The following FREM1 variants were observed in gnomAD, a reference collection of about 807,000 sequenced individuals.
The protein encoded by FREM1 is FRAS1 related extracellular matrix 1, also known as FRAS1-related extracellular matrix protein 1.
A neutral mutation model predicts 210.1 loss-of-function variants in FREM1; 220 were observed. The ratio of observed to expected loss-of-function variants is 1.05; its 90% confidence interval spans 0.94 to 1.17. The LOEUF (loss-of-function observed/expected upper bound fraction) is 1.17. Ranked by LOEUF, FREM1 falls within the 50% of genes most tolerant of loss-of-function variation. The pLI, the probability that FREM1 is intolerant of heterozygous loss-of-function variation, is 0.00. For missense variants in FREM1, 3,454 were observed against 2,675.5 expected (o/e 1.29, Z -6.42); for synonymous variants, 1,189 against 980.2 (o/e 1.21, Z -3.98).
chr9:14,828,212 G>A (rs1201977415), intron 10 of FREM1, among the ~76,000 whole-genome samples: 1 of 152,212 alleles, frequency 6.6e-6, no homozygotes, highest in Non-Finnish European at 1.5e-5. Context: ...CCATAAAGGT[G>A]GAATTGCCTG....
In FREM1 at chr9:14,775,901, G is replaced by A. The variant is rs1848472296; in HGVS notation, c.4745C>T (p.Ser1582Leu). ...GCAGTCAGTCTGGGAGTCCCCTCCT[G>A]AGTGCCGATAGGCCACATTCTTGCT... ...VDSKNVAYRH[S>L]GGDSQTDCFT... Residue 1582 changes from serine to leucine, a missense_variant, in exon 25 of 37, where the codon TCA becomes TTA. By Grantham distance (145) the Ser-to-Leu change is moderately radical. Transcript: ENST00000380880. 6.2e-7 allele frequency: 1 copy of A among 1,613,836 alleles called. No individual in the cohort carries two copies.
chr9:14,852,865 A>G (rs1828029393), intron 5 of FREM1, among the ~76,000 whole-genome samples: 1 of 152,246 alleles, frequency 6.6e-6, no homozygotes, highest in Admixed American at 6.5e-5. Context: ...TAAAGTTCCA[A>G]TAAAAGAGAT....
chr9:14,759,484 T>C, intron 28 of FREM1, among the ~76,000 whole-genome samples: 1 of 84,014 alleles, frequency 1.2e-5, no homozygotes, highest in Non-Finnish European at 2.4e-5. Context: ...CACTCCAGCC[T>C]GGGCGACAAG....
intron 1 of FREM1, among the ~76,000 whole-genome samples, chr9:14,891,307 A>G (rs1836781651): frequency 6.6e-6 from 1 of 152,218 alleles, no homozygotes; most frequent in African/African-American, 2.4e-5. Context: ...ATTGCTGAGT[A>G]CTCACTTAGG....
chr9:14,820,568 T>G (rs2130740319), intron 13 of FREM1, among the ~76,000 whole-genome samples: 1 of 152,360 alleles, frequency 6.6e-6, no homozygotes, highest in South Asian at 2.1e-4. Context: ...GCCTGCTGTG[T>G]CCTTCTGGAC....
At chr9:14,850,882 CACAAT>C (rs1827600065) in intron 6 of FREM1, among the ~76,000 whole-genome samples, 1 of 152,224 alleles carries the variant, frequency 6.6e-6, no homozygotes, top group South Asian at 2.1e-4. Flanking sequence ...TGGTAGCTAG[CACAAT>C]ACGTTTCACT....
At chr9:14,800,980 G>T (rs994536267) in intron 20 of FREM1, among the ~76,000 whole-genome samples, 2 of 152,016 alleles carry the variant, frequency 1.3e-5, no homozygotes, top group African/African-American at 4.8e-5. Flanking sequence ...TGTGAAATGG[G>T]TTTATTTTGG....
intron 13 of FREM1, 33 bp from the exon 14 acceptor site, chr9:14,819,475 C>T (rs2130715155): frequency 7.0e-7 from 1 of 1,431,034 alleles, no homozygotes; most frequent in East Asian, 2.3e-5. Context: ...ACATTCAAAG[C>T]CTTTTTCCAT....
In FREM1 at chr9:14,747,299, C is replaced by T; in HGVS notation, c.5974G>A (p.Val1992Met). The part of the protein sequence containing the change: ...KVAELPQADK[V>M]ESTTDSHFPR... ...AAGTGTGAGTCAGTTGTGGATTCCA[C>T]CTTATCTGCTTGAGGCAGTTCTGCC... Residue 1992 changes from valine to methionine, a missense_variant, in exon 33 of 37, where the codon GTG (valine) becomes ATG (methionine). Coordinates refer to ENST00000380880, the MANE Select transcript of FREM1 (RefSeq NM_001379081.2). 6.2e-7 allele frequency: 1 copy of T among 1,613,552 alleles called. No individual in the cohort carries two copies. Among genetic ancestry groups the T allele is most frequent in the Non-Finnish European group, 8.5e-7 (1 of 1,179,760 alleles).
In FREM1 at chr9:14,823,271, G is replaced by C. The variant is rs373535650; in HGVS notation, c.2226C>G (p.Pro742=). 6.2e-7 allele frequency: 1 copy of C among 1,613,908 alleles called. No individual in the cohort carries two copies. Among genetic ancestry groups the C allele is most frequent in the East Asian group, 2.2e-5 (1 of 44,880 alleles). Residue 742 remains proline, a synonymous_variant, in exon 13 of 37, where the codon CCC becomes CCG. Transcript: ENST00000380880. ...ATGTGAACTGGACATCTCTGCAATGGGGACCAATGTCTTGCATGGGGGGCA... is the reference window on the plus strand; with the variant it reads ...ATGTGAACTGGACATCTCTGCAATGCGGACCAATGTCTTGCATGGGGGGCA... ...AYMPPMQDIG[P]HCRDVQFTFS... is the part of the protein sequence containing the mutation.
intron 20 of FREM1, among the ~76,000 whole-genome samples, chr9:14,800,854 G>A (rs1817146017): frequency 6.6e-6 from 1 of 151,838 alleles, no homozygotes; most frequent in Non-Finnish European, 1.5e-5. Context: ...CTATTTCTGT[G>A]ATGTATTATT....
chr9:14,796,405 T>C (rs942689297), intron 21 of FREM1, among the ~76,000 whole-genome samples: 13 of 152,248 alleles, frequency 8.5e-5, no homozygotes, highest in African/African-American at 3.1e-4. Flanking sequence ...TGTTCAGTTC[T>C]GTAGACTGTG....
chr9:14,874,160 G>A (rs933996858), intron 1 of FREM1, among the ~76,000 whole-genome samples: 2 of 152,192 alleles, frequency 1.3e-5, no homozygotes, highest in African/African-American at 2.4e-5. Context: ...TTGGGGTGGA[G>A]GGTTCTGCAG....
intron 3 of FREM1, among the ~76,000 whole-genome samples, chr9:14,861,002 CACATATATACATATATACACATATAT>C (rs1830171844): frequency 9.9e-6 from 1 of 101,350 alleles, no homozygotes; most frequent in Non-Finnish European, 1.9e-5. Flanking sequence ...CATATATATA[CACATATATACATATATACACATATAT>C]ACATATATAC....
intron 3 of FREM1, among the ~76,000 whole-genome samples, chr9:14,860,555 A>ATGTGTGTATATGTG (rs1564098631): frequency 8.6e-6 from 1 of 116,620 alleles, no homozygotes; most frequent in African/African-American, 4.2e-5. Context: ...ACATATATAT[A>ATGTGTGTATATGTG]CACACATATA....
chr9:14,899,491 G>T (rs1366731874), intron 1 of FREM1, among the ~76,000 whole-genome samples: 2 of 152,200 alleles, frequency 1.3e-5, no homozygotes, highest in African/African-American at 2.4e-5. Context: ...ATCACAGGCT[G>T]CAAATAAAGT....
chr9:14,759,488 C>T (rs563902550), intron 28 of FREM1, among the ~76,000 whole-genome samples: 8 of 54,590 alleles, frequency 1.5e-4, no homozygotes, highest in East Asian at 5.5e-4. Flanking sequence ...CCAGCCTGGG[C>T]GACAAGAGCG....
rs546502612 is a variant in FREM1, at chr9:14,794,180, T to A, written c.3840-1296A>T. The stretch of plus-strand genomic sequence containing the variant: ...TAAAAGGATCCTAGGACAAGGAAGG[T>A]AATTTATTTGTGAAGTGATTCCAGG... On this transcript the variant is annotated intron_variant, in intron 21 of 36. Coordinates refer to ENST00000380880, the MANE Select transcript of FREM1 (RefSeq NM_001379081.2). Among the ~76,000 whole-genome samples the A allele has an allele frequency of 3.9e-5, 6 of 152,062 alleles. No individual in the cohort carries two copies. The South Asian group carries it at 1.3e-3, about 32-fold the overall frequency.
At chr9:14,764,932 G>C (rs1341898784) in intron 27 of FREM1, among the ~76,000 whole-genome samples, 1 of 152,084 alleles carries the variant, frequency 6.6e-6, no homozygotes, top group Non-Finnish European at 1.5e-5. Flanking sequence ...CTATGCCTCA[G>C]TTTCCTTTCT....
Sources: allele counts gnomAD v4.1 joint callset (sites outside exome capture counted in the v4.1 genomes callset), GRCh38; gene constraint gnomAD v4.1.1; transcripts MANE v1.5; gene names NCBI Gene and HGNC (gene_info 2026-07-23, HGNC 2026-07-21).